Variants in SRPK1 observed in about 807,000 individuals in gnomAD.
The protein encoded by SRPK1 is SRSF protein kinase 1, also known as SFRS protein kinase 1.
SRPK1 carries 52 observed loss-of-function variants against 89.5 expected under a neutral mutation model. The ratio of observed to expected loss-of-function variants is 0.58; its 90% CI spans 0.46 to 0.73. The LOEUF (loss-of-function observed/expected upper bound fraction) is 0.73. Among genes scored for constraint, SRPK1 ranks in the 30% least tolerant of loss-of-function variants. The pLI is 0.00. For synonymous variants in SRPK1, 255 were observed against 270.2 expected (o/e 0.94, Z 0.55); for missense variants, 603 against 780.6 (o/e 0.77, Z 2.71).
At chr6:35,886,910 A>G in intron 5 of SRPK1, 99 bp from the exon 6 acceptor site, 2 of 666,646 alleles carry the variant, frequency 3.0e-6, no homozygotes, top group Non-Finnish European at 5.3e-6. Flanking sequence ...TACAAGAAAG[A>G]GCTCACATAA....
At chr6:35,880,742 A>AG (rs1554152654) in intron 6 of SRPK1, among the ~76,000 whole-genome samples, 8 of 28,194 alleles carry the variant, frequency 2.8e-4, no homozygotes, top group African/African-American at 1.3e-3. Flanking sequence ...AAAGAAAAAA[A>AG]AAAAAAAAGA....
chr6:35,887,283 GC>G (rs1307877261), intron 5 of SRPK1, among the ~76,000 whole-genome samples: 2 of 152,128 alleles, frequency 1.3e-5, no homozygotes, highest in Non-Finnish European at 2.9e-5. Context: ...ACTGTCTTAA[GC>G]CAGATGCAGT....
intron 13 of SRPK1, among the ~76,000 whole-genome samples, chr6:35,853,701 A>G (rs1379253404): frequency 1.3e-5 from 2 of 152,190 alleles, no homozygotes; most frequent in Admixed American, 1.3e-4. Flanking sequence ...GCAAAAGGTG[A>G]AGAAAAGGAA....
rs1297867708 is a variant in SRPK1 at position 35,853,887 on chromosome 6, G to GC, written c.1620+3373_1620+3374insG. On this transcript the variant is annotated intron_variant, in intron 13 of 15. Transcript: ENST00000373825. Reference sequence around the variant, plus strand: ...GTCCTGACTCCAGCATTCGGAGATTGTTTTTTTTTTTTTTGAGACAGAGTC... The same window carrying GC: ...GTCCTGACTCCAGCATTCGGAGATTGCTTTTTTTTTTTTTTGAGACAGAGTC... 4.0e-3 allele frequency among the ~76,000 whole-genome samples: 573 copies of GC among 143,372 alleles called. 2 individuals are homozygous for GC. Among genetic ancestry groups the GC allele is most frequent in the African/African-American group, 0.014 (540 of 39,200 alleles). The allele number at this position is 143,372 out of a possible 152,430, so 94.1% of individuals were successfully genotyped here. A position where few individuals can be genotyped will look rare whatever the true frequency, so the allele number is the denominator to read the frequency against.
intron 12 of SRPK1, among the ~76,000 whole-genome samples, chr6:35,867,085 G>A (rs1000067290): frequency 1.3e-5 from 2 of 152,126 alleles, no homozygotes; most frequent in African/African-American, 4.8e-5. Flanking sequence ...TGGATCCATT[G>A]AAGGCCCTGA....
chr6:35,872,995 A>G (rs145702874), intron 7 of SRPK1, among the ~76,000 whole-genome samples: 94 of 152,306 alleles, frequency 6.2e-4, no homozygotes, highest in Admixed American at 1.2e-3. Context: ...GTACAATGCA[A>G]AGACTGAGAA....
chr6:35,894,201 T>C (rs1489274254), intron 2 of SRPK1, among the ~76,000 whole-genome samples: 1 of 151,996 alleles, frequency 6.6e-6, no homozygotes, highest in Non-Finnish European at 1.5e-5. Context: ...AAGAGAGATA[T>C]GCATTCAGGA....
At chr6:35,879,804 G>C (rs1196584483) in intron 6 of SRPK1, among the ~76,000 whole-genome samples, 1 of 152,134 alleles carries the variant, frequency 6.6e-6, no homozygotes, top group Non-Finnish European at 1.5e-5. Context: ...AGGTGTGGTG[G>C]CTCATTCCTG....
chr6:35,877,475 A>C (rs1456190977), intron 6 of SRPK1, among the ~76,000 whole-genome samples: 1 of 152,244 alleles, frequency 6.6e-6, no homozygotes, highest in Non-Finnish European at 1.5e-5. Context: ...TTAGACAAGG[A>C]CAATAAATGG....
intron 13 of SRPK1, among the ~76,000 whole-genome samples, chr6:35,850,440 G>A (rs1769527780): frequency 6.6e-6 from 1 of 152,158 alleles, no homozygotes; most frequent in Admixed American, 6.5e-5. Flanking sequence ...CACCAGAAAG[G>A]CCAAAAGAGG....
chr6:35,917,894 G>T (rs1373699572), intron 2 of SRPK1, among the ~76,000 whole-genome samples: 1 of 152,166 alleles, frequency 6.6e-6, no homozygotes, highest in African/African-American at 2.4e-5. Context: ...ACTTGTCTAA[G>T]GTCAGATTGC....
intron 12 of SRPK1, among the ~76,000 whole-genome samples, chr6:35,858,214 C>T (rs982392239): frequency 6.6e-6 from 1 of 152,028 alleles, no homozygotes; most frequent in Non-Finnish European, 1.5e-5. Flanking sequence ...AGTCTATTTT[C>T]AACTGTATCC....
intron 13 of SRPK1, among the ~76,000 whole-genome samples, chr6:35,849,218 C>A (rs949080572): frequency 6.6e-6 from 1 of 151,612 alleles, no homozygotes; most frequent in African/African-American, 2.4e-5. Flanking sequence ...CACAAATGGC[C>A]AACAGATCTA....
At chr6:35,871,285 A>C (rs1770030972) in intron 8 of SRPK1, among the ~76,000 whole-genome samples, 1 of 152,176 alleles carries the variant, frequency 6.6e-6, no homozygotes, top group African/African-American at 2.4e-5. Flanking sequence ...TCTTCACCTC[A>C]AATGCTACCC....
At chr6:35,864,626 G>A (rs1769855215) in intron 12 of SRPK1, among the ~76,000 whole-genome samples, 1 of 152,134 alleles carries the variant, frequency 6.6e-6, no homozygotes, top group South Asian at 2.1e-4. Flanking sequence ...CCACCATGGA[G>A]AACAGTTTGG....
At chr6:35,920,311 A>T in intron 2 of SRPK1, 157 bp downstream of exon 2, 1 of 771,498 alleles carries the variant, frequency 1.3e-6, no homozygotes, top group Non-Finnish European at 2.3e-6. Flanking sequence ...GCTCTCTTCC[A>T]CATGGTTGCT....
chr6:35,863,328 G>A (rs949015499), intron 12 of SRPK1, among the ~76,000 whole-genome samples: 2 of 150,794 alleles, frequency 1.3e-5, no homozygotes, highest in South Asian at 2.1e-4. Flanking sequence ...CTGGTGGTGC[G>A]TGCCTGTAGT....
At chr6:35,861,918 T>G (rs1004280652) in intron 12 of SRPK1, among the ~76,000 whole-genome samples, 8 of 152,168 alleles carry the variant, frequency 5.3e-5, no homozygotes, top group African/African-American at 1.9e-4. Context: ...AGCTGGGCTA[T>G]GCGCTTGCCC....
In SRPK1 at chr6:35,874,675, T is replaced by C. The variant is rs577762611; in HGVS notation, c.479-336A>G. On this transcript the variant is annotated intron_variant, in intron 6 of 15. Coordinates refer to ENST00000373825, the MANE Select transcript of SRPK1 (RefSeq NM_003137.5). ...CTCAAGCCTCAAGCTGTTGATTAGCTTCAGGTAAATTAGTTTCTTCCCTAA... is the reference window on the plus strand; with the variant it reads ...CTCAAGCCTCAAGCTGTTGATTAGCCTCAGGTAAATTAGTTTCTTCCCTAA... Among the ~76,000 whole-genome samples the C allele has an allele frequency of 3.3e-5, 5 of 152,308 alleles. No homozygotes were observed. In the East Asian group the frequency reaches 9.6e-4, roughly 29 times the overall value.
Sources: gnomAD v4.1 joint callset for allele counts (sites outside exome capture counted in the v4.1 genomes callset) on GRCh38, gnomAD v4.1.1 for gene constraint, MANE v1.5 for transcripts, NCBI Gene and HGNC (gene_info 2026-07-23, HGNC 2026-07-21) for gene names.